Variants in LIN7A observed in about 807,000 individuals in gnomAD.
LIN7A encodes lin-7 cell polarity scaffold A.
LIN7A carries 25 observed loss-of-function variants against 29.8 expected under a neutral mutation model. That is an observed-to-expected ratio of 0.84 (90% CI 0.61 to 1.17). LIN7A has a LOEUF of 1.17. LIN7A is among the 50% of genes most tolerant of loss of function. The pLI, the probability that LIN7A is intolerant of heterozygous loss-of-function variation, is 0.00. For synonymous variants in LIN7A, 118 were observed against 107.5 expected (o/e 1.10, Z -0.60); for missense variants, 239 against 287.0 (o/e 0.83, Z 1.21).
chr12:80,928,246 T>C (rs755591078), intron 1 of LIN7A, among the ~76,000 whole-genome samples: 1 of 152,196 alleles, frequency 6.6e-6, no homozygotes, highest in Non-Finnish European at 1.5e-5. Context: ...CTGGGTCAAA[T>C]AGCATTTCTA....
intron 1 of LIN7A, among the ~76,000 whole-genome samples, chr12:80,925,588 C>A (rs570403551): frequency 6.6e-6 from 1 of 152,292 alleles, no homozygotes; most frequent in South Asian, 2.1e-4. Flanking sequence ...CGGGTCAGTG[C>A]TATTATTACT....
intron 4 of LIN7A, among the ~76,000 whole-genome samples, chr12:80,824,844 G>C (rs556286708): frequency 6.6e-6 from 1 of 152,088 alleles, no homozygotes; most frequent in Non-Finnish European, 1.5e-5. Context: ...CAGCAAAATC[G>C]GCATAGAAGG....
chr12:80,929,197 A>G (rs1476414380), intron 1 of LIN7A, among the ~76,000 whole-genome samples: 1 of 152,226 alleles, frequency 6.6e-6, no homozygotes, highest in Non-Finnish European at 1.5e-5. Flanking sequence ...TCTTTTCCAA[A>G]TAAAATACTC....
At chr12:80,935,812 A>AG in intron 1 of LIN7A, 1 of 501,828 alleles carries the variant, frequency 2.0e-6, no homozygotes, top group Non-Finnish European at 4.3e-6. Context: ...AAGGACAAGT[A>AG]GAGTTTGGCT....
intron 1 of LIN7A, among the ~76,000 whole-genome samples, chr12:80,891,507 T>A (rs931739593): frequency 2.6e-5 from 4 of 152,192 alleles, no homozygotes; most frequent in Non-Finnish European, 4.4e-5. Flanking sequence ...TCATCACCTG[T>A]TCCTGAAATG....
chr12:80,877,175 A>T (rs1378745256), intron 2 of LIN7A, among the ~76,000 whole-genome samples: 1 of 151,986 alleles, frequency 6.6e-6, no homozygotes, highest in Non-Finnish European at 1.5e-5. Flanking sequence ...CAGAAATTCC[A>T]CATGTACACA....
intron 4 of LIN7A, among the ~76,000 whole-genome samples, chr12:80,826,229 A>T (rs1207201026): frequency 6.6e-6 from 1 of 152,086 alleles, no homozygotes; most frequent in Non-Finnish European, 1.5e-5. Context: ...GTCACCATTG[A>T]TTTATACTAA....
At chr12:80,914,026 A>G (rs762801456) in intron 1 of LIN7A, among the ~76,000 whole-genome samples, 2 of 152,156 alleles carry the variant, frequency 1.3e-5, no homozygotes, top group African/African-American at 2.4e-5. Context: ...AAACTCATCA[A>G]CTTCATGGAC....
chr12:80,881,317 G>A (rs1319428441), intron 2 of LIN7A, among the ~76,000 whole-genome samples: 3 of 152,142 alleles, frequency 2.0e-5, no homozygotes, highest in Non-Finnish European at 2.9e-5. Context: ...AGGAAATGTA[G>A]GAGCCATCAG....
chr12:80,821,995 C>T (rs1310872085), intron 4 of LIN7A, among the ~76,000 whole-genome samples: 1 of 152,194 alleles, frequency 6.6e-6, no homozygotes, highest in Non-Finnish European at 1.5e-5. Context: ...GACACCTCAG[C>T]CCTCTGTGGA....
At chr12:80,812,142 C>A (rs1871321383) in intron 4 of LIN7A, among the ~76,000 whole-genome samples, 1 of 151,904 alleles carries the variant, frequency 6.6e-6, no homozygotes, top group South Asian at 2.1e-4. Flanking sequence ...AGCACAGAGT[C>A]CAGAAGGAGA....
chr12:80,839,938 A>G (rs1050624749), intron 4 of LIN7A, among the ~76,000 whole-genome samples: 3 of 152,230 alleles, frequency 2.0e-5, no homozygotes, highest in African/African-American at 7.2e-5. Context: ...CTGTAAAGCT[A>G]GGTAAATTCA....
intron 5 of LIN7A, among the ~76,000 whole-genome samples, chr12:80,800,849 C>A: frequency 6.6e-6 from 1 of 151,594 alleles, no homozygotes; most frequent in East Asian, 1.9e-4. Flanking sequence ...AATTTAAAAA[C>A]CCTCAACAAA....
chr12:80,914,733 G>T (rs1453002184), intron 1 of LIN7A, among the ~76,000 whole-genome samples: 1 of 152,094 alleles, frequency 6.6e-6, no homozygotes, highest in Non-Finnish European at 1.5e-5. Context: ...GTGAGACTAT[G>T]GGCAACCTCT....
chr12:80,906,872 A>G (rs1489245779), intron 1 of LIN7A, among the ~76,000 whole-genome samples: 1 of 152,168 alleles, frequency 6.6e-6, no homozygotes, highest in Non-Finnish European at 1.5e-5. Flanking sequence ...GCTAGGAACT[A>G]GAAAGGTGGG....
intron 5 of LIN7A, among the ~76,000 whole-genome samples, chr12:80,804,790 G>A: frequency 6.6e-6 from 1 of 152,038 alleles, no homozygotes; most frequent in East Asian, 1.9e-4. Flanking sequence ...CTGGTCTCAA[G>A]TGATCCAGCC....
chr12:80,919,080 C>T (rs1877167090), intron 1 of LIN7A, among the ~76,000 whole-genome samples: 1 of 152,194 alleles, frequency 6.6e-6, no homozygotes, highest in South Asian at 2.1e-4. Flanking sequence ...GACATTCCCA[C>T]AATAAAATCA....
chr12:80,816,794 A>C (rs1871558597), intron 4 of LIN7A, among the ~76,000 whole-genome samples: 1 of 152,154 alleles, frequency 6.6e-6, no homozygotes, highest in Non-Finnish European at 1.5e-5. Context: ...TTTGAGATGA[A>C]GTCTTACTCT....
At chr12:80,842,881 A>ATATGTAGTTTATAG (rs1349695137) in intron 4 of LIN7A, among the ~76,000 whole-genome samples, 1 of 152,140 alleles carries the variant, frequency 6.6e-6, no homozygotes, top group African/African-American at 2.4e-5. Context: ...GTAGTTTATA[A>ATATGTAGTTTATAG]TATATAGTTT....
Sources: gnomAD v4.1 joint callset for allele counts (sites outside exome capture counted in the v4.1 genomes callset) on GRCh38, gnomAD v4.1.1 for gene constraint, MANE v1.5 for transcripts, NCBI Gene and HGNC (gene_info 2026-07-23, HGNC 2026-07-21) for gene names.